The following MOGS variants were observed in gnomAD, a reference collection of about 807,000 sequenced individuals.
MOGS encodes epididymis secretory sperm binding protein.
Under a neutral mutation model 68.5 loss-of-function variants are expected in MOGS, and 45 were observed. The ratio of observed to expected loss-of-function variants is 0.66; its 90% CI spans 0.52 to 0.84. The LOEUF (loss-of-function observed/expected upper bound fraction) is 0.84. MOGS is among the 40% of genes least tolerant of loss of function. The probability of loss-of-function intolerance (pLI) is 0.00; values close to 1 mark genes in which losing one functional copy is unlikely to be tolerated. For synonymous variants in MOGS, 492 were observed against 461.2 expected (o/e 1.07, Z -0.86); for missense variants, 1,020 against 1,095.0 (o/e 0.93, Z 0.97).
In MOGS at chr2:74,465,185, C is replaced by T. The variant is rs1341327319; in HGVS notation, c.63G>A (p.Arg21=). The change falls in exon 1 of 4, where the codon AGG becomes AGA. Residue 21 remains arginine (R), a synonymous_variant. Transcript: ENST00000448666. ...VPAEGVRTAE[R]AARGGPGRRD... Reference sequence around the variant, plus strand: ...GTCGCCCGGGGCCTCCCCGAGCCGCCCTCTCGGCTGTCCGCACTCCCTCTG... The same window carrying T: ...GTCGCCCGGGGCCTCCCCGAGCCGCTCTCTCGGCTGTCCGCACTCCCTCTG... 1.3e-6 allele frequency: 2 copies of T among 1,534,566 alleles called. No homozygotes were observed. Among genetic ancestry groups the T allele is most frequent in the Admixed American group, 2.0e-5 (1 of 51,140 alleles).
In MOGS at chr2:74,464,667, C is replaced by T. The variant is rs751385046; in HGVS notation, c.408G>A (p.Thr136=). 1.9e-6 allele frequency: 3 copies of T among 1,614,068 alleles called. No homozygotes were observed. Among genetic ancestry groups the T allele is most frequent in the South Asian group, 2.2e-5 (2 of 91,090 alleles). The part of the protein sequence containing the change: ...TTPGTPKLRH[T]CEQGDGVGPY... ...GACCCACACCGTCCCCCTGCTCACA[C>T]GTGTGCCTGAGCTTAGGAGTCCCCG... Residue 136 remains threonine (T), a synonymous_variant, in exon 2 of 4, where the codon ACG becomes ACA. Transcript: ENST00000448666.
chr2:74,463,556 C>A, intron 2 of MOGS, 170 bp from the exon 3 acceptor site: 1 of 690,288 alleles, frequency 1.4e-6, no homozygotes, highest in Non-Finnish European at 2.5e-6. Context: ...TACACCCAAG[C>A]GGGATGAGAT....
chr2:74,463,577 G>C lies in MOGS; in HGVS notation c.580-191C>G, dbSNP rs1239087195. 6 of 624,214 alleles carry C rather than the reference G, an allele frequency of 9.6e-6. No homozygotes were observed. The African/African-American group carries it at 1.1e-4, about 11-fold the overall frequency. 38.7% of individuals were successfully genotyped at this position (624,214 alleles called of 1,614,324 possible). A position where few individuals can be genotyped will look rare whatever the true frequency, so the allele number is the denominator to read the frequency against. On this transcript the variant is annotated intron_variant, in intron 2 of 3. Transcript: ENST00000448666. Reference sequence around the variant, plus strand: ...CAAGCGGGATGAGATAAAGAGCCTTGCACTGGGTGCCCTGGGAGATAACAG... The same window carrying C: ...CAAGCGGGATGAGATAAAGAGCCTTCCACTGGGTGCCCTGGGAGATAACAG...
intron 2 of MOGS, 40 bp from the exon 3 acceptor site, chr2:74,463,426 T>TG: frequency 1.3e-6 from 2 of 1,591,804 alleles, no homozygotes; most frequent in Non-Finnish European, 1.7e-6. Context: ...AGTGTTAGAT[T>TG]GGCATTCTCT....
rs1035918139 is a variant in MOGS at position 74,463,551 on chromosome 2, C to G, written c.580-165G>C. ...GGTCACTGAGGGTAACCAGGTACAC[C>G]CAAGCGGGATGAGATAAAGAGCCTT... is the stretch of plus-strand genomic sequence containing the variant. On this transcript the variant is annotated intron_variant, in intron 2 of 3. Transcript: ENST00000448666. The G allele has an allele frequency of 7.0e-6, 5 of 717,972 alleles. No homozygotes were observed. The African/African-American group carries it at 8.7e-5, about 13-fold the overall frequency. The allele number at this position is 717,972 out of a possible 1,614,324, so 44.5% of individuals were successfully genotyped here.
chr2:74,462,718 C>G lies in MOGS; in HGVS notation c.1071G>C (p.Leu357=), dbSNP rs1389689426. 1 of 1,614,112 alleles carries G rather than the reference C, an allele frequency of 6.2e-7. No individual in the cohort carries two copies. The highest frequency in any genetic ancestry group is 8.5e-7 in the Non-Finnish European group (1 of 1,180,050). ...QALPRLAGSL[L]TQALESHAEG... is the part of the protein sequence containing the mutation. The stretch of plus-strand genomic sequence containing the variant: ...CAGCATGGCTCTCCAGGGCCTGGGT[C>G]AGTAGACTGCCTGCCAGTCTTGGCA... Residue 357 remains leucine (L), a synonymous_variant, in exon 4 of 4, where the codon CTG becomes CTC. Transcript: ENST00000448666.
rs368859958 is a variant in MOGS at position 74,461,355 on chromosome 2, G to A, written c.2434C>T (p.Arg812Cys). Residue 812 changes from arginine to cysteine, a missense_variant, in exon 4 of 4, where the codon CGC becomes TGC. Arg to Cys is a radical substitution (Grantham distance 180, BLOSUM62 -3). Transcript: ENST00000448666. ...CGGCAGCCCATGCCTCGCCCATCGCGGTCACTGTACTGCTCCCAAAGAAAG... is the reference window on the plus strand; with the variant it reads ...CGGCAGCCCATGCCTCGCCCATCGCAGTCACTGTACTGCTCCCAAAGAAAG... The part of the protein sequence containing the change: ...TGFLWEQYSD[R>C]DGRGMGCRPF... 2.2e-4 allele frequency: 350 copies of A among 1,613,984 alleles called. No homozygotes were observed. The highest frequency in any genetic ancestry group is 2.7e-4 in the Admixed American group (16 of 60,010).
Position 74,461,566 on chromosome 2 carries a change from G to A in MOGS, c.2223C>T (p.Arg741=). 2 of 1,613,970 alleles carry A rather than the reference G, an allele frequency of 1.2e-6. No individual in the cohort carries two copies. Among genetic ancestry groups the A allele is most frequent in the African/African-American group, 1.3e-5 (1 of 75,016 alleles). ...AGTAGGGGGGATCATGCTCTGAATT[G>A]CGCTGGCCATAAAAGGAGCTGGAGG... ...LAASSSFYGQ[R]NSEHDPPYWR... Residue 741 remains arginine, a synonymous_variant, in exon 4 of 4, where the codon CGC becomes CGT. Coordinates refer to ENST00000448666, the MANE Select transcript of MOGS (RefSeq NM_006302.3).
rs762952481 is a variant in MOGS at position 74,464,665 on chromosome 2, C to A, written c.410G>T (p.Cys137Phe). Residue 137 changes from cysteine (C) to phenylalanine (F), a missense_variant, in exon 2 of 4, where the codon TGT becomes TTT. By Grantham distance (205) the Cys-to-Phe change is radical. Coordinates refer to ENST00000448666, the MANE Select transcript of MOGS (RefSeq NM_006302.3). Reference protein sequence around the residue: ...TPGTPKLRHTCEQGDGVGPYG... With the variant: ...TPGTPKLRHTFEQGDGVGPYG... ...GGGACCCACACCGTCCCCCTGCTCA[C>A]ACGTGTGCCTGAGCTTAGGAGTCCC... The A allele has an allele frequency of 6.2e-7, 1 of 1,614,098 alleles. No homozygotes were observed. Among genetic ancestry groups the A allele is most frequent in the Non-Finnish European group, 8.5e-7 (1 of 1,180,028 alleles).
rs745755220 is a variant in MOGS at position 74,463,064 on chromosome 2, C to T, written c.777-52G>A. On this transcript the variant is annotated intron_variant, in intron 3 of 3. Transcript: ENST00000448666. The stretch of plus-strand genomic sequence containing the variant: ...ATATTATTCAAGAGAAGGCAGTGGG[C>T]ATTATAAAGAGAAATACAAAGTGTT... The T allele has an allele frequency of 2.5e-6, 4 of 1,611,852 alleles. No individual in the cohort carries two copies. In the Admixed American group the frequency reaches 6.7e-5, roughly 27 times the overall value.
chr2:74,461,275 TCAGTA>T lies in MOGS; in HGVS notation c.2509_2513del (p.Tyr837LysfsTer33). On this transcript the variant is annotated frameshift_variant and stop_lost, in exon 4 of 4. Coordinates refer to ENST00000448666, the MANE Select transcript of MOGS (RefSeq NM_006302.3). LOFTEE classifies it high-confidence loss of function. ...CTTGGCTCCCCTCCTCTCCCTCCCT[TCAGTA>T]GTCTTCAGCCATGGCCAGTAAGACA... 1.2e-6 allele frequency: 2 copies of T among 1,613,930 alleles called. No homozygotes were observed. The highest frequency in any genetic ancestry group is 1.7e-6 in the Non-Finnish European group (2 of 1,179,998).
chr2:74,464,080 C>G (rs1572921628), intron 2 of MOGS, among the ~76,000 whole-genome samples: 2 of 152,116 alleles, frequency 1.3e-5, no homozygotes, highest in African/African-American at 4.8e-5. Flanking sequence ...CTGCCTCAGC[C>G]TCCCAAGTAG....
At position 74,461,498 on chromosome 2, in the gene MOGS, C is replaced by T. The variant is rs746864919; in HGVS notation, c.2291G>A (p.Gly764Glu). The change falls in exon 4 of 4, where the codon GGA becomes GAA. Residue 764 changes from glycine (G) to glutamate (E), a missense_variant. By Grantham distance (98) the Gly-to-Glu change is moderately conservative. This residue lies in a region of MOGS where 270 missense variants were observed against 261.3 expected (regional missense o/e 1.03). Transcript: ENST00000448666. ...CAGATGCCCATAGTGGTGGAGTGCT[C>T]CCAAAGCCAGGTAGTTGACATTGAG... ...VWLNVNYLAL[G>E]ALHHYGHLEG... 15 of 1,613,856 alleles carry T rather than the reference C, an allele frequency of 9.3e-6. No individual in the cohort carries two copies. The highest frequency in any genetic ancestry group is 1.7e-5 in the Admixed American group (1 of 60,000).
At chr2:74,464,779 C>A (rs1222849307) in intron 1 of MOGS, 57 bp from the exon 2 acceptor site, 2 of 1,572,470 alleles carry the variant, frequency 1.3e-6, no homozygotes, top group East Asian at 4.6e-5. Context: ...CTCCGGGTCT[C>A]CGGGTCATCC....
chr2:74,462,716 G>A lies in MOGS; in HGVS notation c.1073C>T (p.Thr358Ile), dbSNP rs1671960419. ...TTCAGCATGGCTCTCCAGGGCCTGGGTCAGTAGACTGCCTGCCAGTCTTGG... is the reference window on the plus strand; with the variant it reads ...TTCAGCATGGCTCTCCAGGGCCTGGATCAGTAGACTGCCTGCCAGTCTTGG... The part of the protein sequence containing the change: ...ALPRLAGSLL[T>I]QALESHAEGF... Residue 358 changes from threonine (T) to isoleucine (I), a missense_variant, in exon 4 of 4, where the codon ACC (threonine) becomes ATC (isoleucine). Physicochemically the swap from Thr to Ile is moderately conservative, Grantham distance 89. This residue lies in a region of MOGS where 569 missense variants were observed against 571.9 expected (regional missense o/e 0.99). Transcript: ENST00000448666. The A allele has an allele frequency of 6.2e-7, 1 of 1,614,122 alleles. No individual in the cohort carries two copies. The highest frequency in any genetic ancestry group is 1.3e-5 in the African/African-American group (1 of 74,942).
At chr2:74,464,824 C>G in intron 1 of MOGS, 72 bp downstream of exon 1, 2 of 1,563,024 alleles carry the variant, frequency 1.3e-6, no homozygotes, top group Non-Finnish European at 1.7e-6. Context: ...TCCTTCCCAC[C>G]CTTGCTCTCG....
Position 74,463,659 on chromosome 2 carries a change from T to A in MOGS, c.580-273A>T, listed in dbSNP as rs931433771. 1.2e-5 allele frequency: 4 copies of A among 326,258 alleles called. No homozygotes were observed. The Admixed American group carries it at 1.4e-4, about 11-fold the overall frequency. The allele number at this position is 326,258 out of a possible 1,614,324, so 20.2% of individuals were successfully genotyped here. On this transcript the variant is annotated intron_variant, in intron 2 of 3. Transcript: ENST00000448666. ...CTCTACACAGTTGATTTCATTTAAT[T>A]CTTTTTTTTTTTTTTTTTTTTTGAG...
At position 74,461,336 on chromosome 2, in the gene MOGS, C is replaced by T; in HGVS notation, c.2453G>A (p.Gly818Asp). ...QYSDRDGRGM[G>D]CRPFHGWTSL... ...GGTCCAGCCGTGGAAAGGGCGGCAG[C>T]CCATGCCTCGCCCATCGCGGTCACT... The change falls in exon 4 of 4, where the codon GGC becomes GAC. Residue 818 changes from glycine to aspartate, a missense_variant. Around this residue, in one of 3 missense-constraint regions of MOGS, gnomAD observed 270 missense variants for 261.3 expected, o/e 1.03. Transcript: ENST00000448666. 6.2e-7 allele frequency: 1 copy of T among 1,614,122 alleles called. No individual in the cohort carries two copies. The highest frequency in any genetic ancestry group is 1.1e-5 in the South Asian group (1 of 91,090).
chr2:74,463,088 TTCA>T, intron 3 of MOGS, 76 bp from the exon 4 acceptor site: 1 of 1,610,744 alleles, frequency 6.2e-7, no homozygotes, highest in Non-Finnish European at 8.5e-7. Context: ...ATACAAAGTG[TTCA>T]GGAGTCAGGT....
Sources: allele counts gnomAD v4.1 joint callset (sites outside exome capture counted in the v4.1 genomes callset), GRCh38; gene constraint gnomAD v4.1.1; regional missense constraint gnomAD v4.1.1; transcripts MANE v1.5; gene names NCBI Gene and HGNC (gene_info 2026-07-23, HGNC 2026-07-21).